Variants in OSBPL10 observed in about 807,000 individuals in gnomAD.
OSBPL10 encodes the protein oxysterol-binding protein-related protein 10.
In OSBPL10, 49 loss-of-function variants were observed where a neutral mutation model predicts 81.7. That is an observed-to-expected ratio of 0.60 (90% CI 0.48 to 0.76). The LOEUF (loss-of-function observed/expected upper bound fraction) is 0.76, where lower values mean the gene tolerates loss of function less well. OSBPL10 is among the 30% of genes least tolerant of loss of function. The probability of loss-of-function intolerance (pLI) is 0.00; values close to 1 mark genes in which losing one functional copy is unlikely to be tolerated. For missense variants in OSBPL10, 923 were observed against 987.8 expected (o/e 0.93, Z 0.88); for synonymous variants, 419 against 383.6 (o/e 1.09, Z -1.08).
chr3:31,755,226 C>T (rs1697850180), intron 4 of OSBPL10, among the ~76,000 whole-genome samples: 1 of 152,174 alleles, frequency 6.6e-6, no homozygotes, highest in East Asian at 1.9e-4. Flanking sequence ...CCCATAGCTG[C>T]ACCTTGCCCC....
intron 1 of OSBPL10, among the ~76,000 whole-genome samples, chr3:31,975,923 T>C (rs949563619): frequency 2.0e-5 from 3 of 152,120 alleles, no homozygotes; most frequent in Admixed American, 6.5e-5. Flanking sequence ...GCTTATACTC[T>C]AGTGTGGAGA....
intron 1 of OSBPL10, among the ~76,000 whole-genome samples, chr3:31,894,431 T>C (rs550905671): frequency 2.6e-5 from 4 of 152,300 alleles, no homozygotes; most frequent in African/African-American, 7.2e-5. Context: ...AGAGTGACCA[T>C]GTCAAATGCT....
At chr3:31,676,979 C>T (rs1700494191) in intron 8 of OSBPL10, among the ~76,000 whole-genome samples, 1 of 152,142 alleles carries the variant, frequency 6.6e-6, no homozygotes, top group East Asian at 1.9e-4. Flanking sequence ...TAATGAAGCA[C>T]TTCATAATAG....
Position 31,683,677 on chromosome 3 carries a change from G to A in OSBPL10, c.1683C>T (p.Ser561=). 1 of 1,613,962 alleles carries A rather than the reference G, an allele frequency of 6.2e-7. No individual in the cohort carries two copies. Among genetic ancestry groups the A allele is most frequent in the Non-Finnish European group, 8.5e-7 (1 of 1,179,866 alleles). ...LCVNTHVWTK[S]KFMGMSVGVS... The stretch of plus-strand genomic sequence containing the variant: ...CCCCCACGGACATGCCCATGAACTT[G>A]CTTTTGGTCCATACATGAGTGTTGA... Residue 561 remains serine (S), a synonymous_variant, in exon 8 of 12, where the codon AGC becomes AGT. Coordinates refer to ENST00000396556, the MANE Select transcript of OSBPL10 (RefSeq NM_017784.5).
At chr3:31,974,288 ACTCT>A (rs1261194036) in intron 1 of OSBPL10, among the ~76,000 whole-genome samples, 3 of 152,048 alleles carry the variant, frequency 2.0e-5, no homozygotes, top group East Asian at 1.9e-4. Context: ...TACACACAGA[ACTCT>A]CTCTACACAC....
Position 31,745,543 on chromosome 3 carries a change from C to T in OSBPL10, c.940+2367G>A, listed in dbSNP as rs140603744. On this transcript the variant is annotated intron_variant, in intron 5 of 11. Transcript: ENST00000396556. ...AGAGAATTATAATGCTCGCAAGACACGGTTCCTGGCCTCAGTTTGGGGGAC... is the reference window on the plus strand; with the variant it reads ...AGAGAATTATAATGCTCGCAAGACATGGTTCCTGGCCTCAGTTTGGGGGAC... 1.6e-3 allele frequency among the ~76,000 whole-genome samples: 236 copies of T among 152,254 alleles called. 1 individual carries two copies. The highest frequency in any genetic ancestry group is 5.5e-3 in the African/African-American group (227 of 41,554).
At chr3:31,854,136 TAAAG>T (rs1271144548) in intron 3 of OSBPL10, among the ~76,000 whole-genome samples, 1 of 123,322 alleles carries the variant, frequency 8.1e-6, no homozygotes, top group Non-Finnish European at 1.8e-5. Context: ...TATATCTCAG[TAAAG>T]TTTTTTTTTT....
Position 31,683,898 on chromosome 3 carries a change from G to A in OSBPL10, c.1462C>T (p.His488Tyr), listed in dbSNP as rs761427514. 1.2e-6 allele frequency: 2 copies of A among 1,614,142 alleles called. No homozygotes were observed. Among genetic ancestry groups the A allele is most frequent in the East Asian group, 2.2e-5 (1 of 44,884 alleles). Residue 488 changes from histidine (H) to tyrosine (Y), a missense_variant, in exon 8 of 12, where the codon CAC becomes TAC. By Grantham distance (83) the His-to-Tyr change is moderately conservative. Transcript: ENST00000396556. The stretch of plus-strand genomic sequence containing the variant: ...TCCTTGGGAACTTCCCAGGAGCAGT[G>A]AAATGTCTCGCCTATGATGGGGTTG... ...PYNPIIGETFHCSWEVPKDRV... is the reference protein window; with the variant it reads ...PYNPIIGETFYCSWEVPKDRV...
intron 1 of OSBPL10, among the ~76,000 whole-genome samples, chr3:31,934,101 A>C (rs1285440665): frequency 1.3e-5 from 2 of 151,624 alleles, no homozygotes; most frequent in East Asian, 1.9e-4. Context: ...AAAAAAAAAA[A>C]CCTGGCATAT....
At position 31,898,031 on chromosome 3, in the gene OSBPL10, A is replaced by C. The variant is rs866773411; in HGVS notation, c.282-18201T>G. ...CAAAAAAAAAAAAAAAAAAAAAAAA[A>C]AAAAAACAGAAGAAGAAGAGAAAGG... On this transcript the variant is annotated intron_variant, in intron 1 of 11. Coordinates refer to ENST00000396556, the MANE Select transcript of OSBPL10 (RefSeq NM_017784.5). 1.2e-3 allele frequency among the ~76,000 whole-genome samples: 141 copies of C among 114,492 alleles called. 1 individual carries two copies. In the Middle Eastern group the frequency reaches 0.019, roughly 15 times the overall value. The allele number at this position is 114,492 out of a possible 152,430, so 75.1% of individuals were successfully genotyped here.
At chr3:31,669,069 G>A (rs1700264812) in intron 9 of OSBPL10, among the ~76,000 whole-genome samples, 1 of 152,108 alleles carries the variant, frequency 6.6e-6, no homozygotes, top group African/African-American at 2.4e-5. Context: ...TAGTAATACA[G>A]CAATGTTAAT....
At chr3:31,692,220 T>C (rs904790834) in intron 7 of OSBPL10, among the ~76,000 whole-genome samples, 10 of 152,164 alleles carry the variant, frequency 6.6e-5, no homozygotes, top group African/African-American at 2.4e-4. Context: ...TGACTAGCCA[T>C]GTGTACGTGG....
chr3:31,927,599 G>T (rs918019555), intron 1 of OSBPL10, among the ~76,000 whole-genome samples: 17 of 151,206 alleles, frequency 1.1e-4, no homozygotes, highest in African/African-American at 3.9e-4. Context: ...AGGAACAGAG[G>T]CTTGTCCCTT....
chr3:31,892,203 G>A (rs1695911942), intron 1 of OSBPL10, among the ~76,000 whole-genome samples: 1 of 151,958 alleles, frequency 6.6e-6, no homozygotes, highest in Non-Finnish European at 1.5e-5. Context: ...CACGTGTATG[G>A]CCCTGAGGAC....
At chr3:31,863,444 T>G (rs149142558) in intron 3 of OSBPL10, among the ~76,000 whole-genome samples, 12 of 152,344 alleles carry the variant, frequency 7.9e-5, no homozygotes, top group Non-Finnish European at 1.8e-4. Context: ...GTGAATTATA[T>G]CTTAAATTTT....
intron 2 of OSBPL10, among the ~76,000 whole-genome samples, chr3:32,024,999 C>G (rs73826054): frequency 9.0e-4 from 137 of 152,102 alleles, no homozygotes; most frequent in African/African-American, 3.2e-3. Flanking sequence ...TATTTTTGGC[C>G]TCATTATACT....
At chr3:31,817,978 T>C (rs9310979) in intron 4 of OSBPL10, among the ~76,000 whole-genome samples, 111,213 of 152,032 alleles carry the variant, frequency 0.73, 40,969 homozygotes, top group East Asian at 0.95. Context: ...GGTGATCACA[T>C]GCCTGTGGTC....
At chr3:32,056,632 A>T (rs544900901) in intron 1 of OSBPL10, among the ~76,000 whole-genome samples, 1 of 152,330 alleles carries the variant, frequency 6.6e-6, no homozygotes, top group East Asian at 1.9e-4. Context: ...AATACAAGAG[A>T]CCCTGATACT....
intron 1 of OSBPL10, among the ~76,000 whole-genome samples, chr3:31,895,729 A>C (rs1044640451): frequency 6.6e-6 from 1 of 152,220 alleles, no homozygotes; most frequent in African/African-American, 2.4e-5. Context: ...TTAGTAACTG[A>C]GGATACACTG....
Sources: gnomAD v4.1 joint callset for allele counts (sites outside exome capture counted in the v4.1 genomes callset) on GRCh38, gnomAD v4.1.1 for gene constraint, MANE v1.5 for transcripts, NCBI Gene and HGNC (gene_info 2026-07-23, HGNC 2026-07-21) for gene names.